CHRNA7: variants seen among roughly 807,000 people sequenced by gnomAD.
CHRNA7 encodes cholinergic receptor nicotinic alpha 7 subunit.
A neutral mutation model predicts 48.0 loss-of-function variants in CHRNA7; 17 were observed. That is an observed-to-expected ratio of 0.35 (90% CI 0.24 to 0.53). The LOEUF (loss-of-function observed/expected upper bound fraction) is 0.53, where lower values mean the gene tolerates loss of function less well. CHRNA7 is among the 20% of genes least tolerant of loss of function. The pLI, the probability that CHRNA7 is intolerant of heterozygous loss-of-function variation, is 0.92. For synonymous variants in CHRNA7, 75 were observed against 242.3 expected, an observed-to-expected ratio of 0.31 and a Z score of 6.41; for missense variants, 155 against 577.7, an observed-to-expected ratio of 0.27 and a Z score of 7.50.
At chr15:32,060,303 A>G (rs1239878843) in intron 2 of CHRNA7, among the ~76,000 whole-genome samples, 1 of 152,222 alleles carries the variant, frequency 6.6e-6, no homozygotes, top group African/African-American at 2.4e-5. Flanking sequence ...CTATATCTAT[A>G]TCATCTATTT....
In CHRNA7 at chr15:32,137,031, CAAAAAAAAAAA is replaced by C. The variant is rs775166263; in HGVS notation, c.351-16871_351-16861del. The stretch of plus-strand genomic sequence containing the variant: ...TGGGCGACAGAGCGAGACTCCGTCT[CAAAAAAAAAAA>C]AAAAGAAAAAAAAAAGAAAACAGGA... On this transcript the variant is annotated intron_variant, in intron 4 of 9. Transcript: ENST00000306901. Among the ~76,000 whole-genome samples, 5 of 63,926 alleles carry C rather than the reference CAAAAAAAAAAA, an allele frequency of 7.8e-5. No individual in the cohort carries two copies. In the Admixed American group the frequency reaches 8.5e-4, roughly 11 times the overall value. 41.9% of individuals were successfully genotyped at this position (63,926 alleles called of 152,430 possible).
chr15:32,112,443 C>G, intron 4 of CHRNA7: 1 of 432,404 alleles, frequency 2.3e-6, no homozygotes, highest in Non-Finnish European at 4.7e-6. Context: ...AATAGTCTTT[C>G]TCCTGAGGTC....
chr15:32,071,874 C>T (rs2050064117), intron 2 of CHRNA7, among the ~76,000 whole-genome samples: 3 of 151,498 alleles, frequency 2.0e-5, no homozygotes, highest in African/African-American at 2.4e-5. Flanking sequence ...TCCTTTATAG[C>T]AGCACAAAAT....
chr15:32,072,724 T>A (rs545512470), intron 2 of CHRNA7, among the ~76,000 whole-genome samples: 1 of 152,296 alleles, frequency 6.6e-6, no homozygotes, highest in Non-Finnish European at 1.5e-5. Context: ...CACAGAGGGC[T>A]CCAGGTACAG....
At chr15:32,034,592 A>G (rs1278671117) in intron 2 of CHRNA7, among the ~76,000 whole-genome samples, 1 of 152,140 alleles carries the variant, frequency 6.6e-6, no homozygotes, top group Non-Finnish European at 1.5e-5. Context: ...GCCCTAGTCT[A>G]GGCATCTCTG....
intron 2 of CHRNA7, among the ~76,000 whole-genome samples, chr15:32,035,049 A>G (rs1396081245): frequency 6.6e-6 from 1 of 152,238 alleles, no homozygotes; most frequent in Non-Finnish European, 1.5e-5. Flanking sequence ...ATGATCTATA[A>G]CTGTGTGTAT....
At chr15:32,103,758 A>C (rs1259361325) in intron 3 of CHRNA7, among the ~76,000 whole-genome samples, 1 of 152,170 alleles carries the variant, frequency 6.6e-6, no homozygotes, top group African/African-American at 2.4e-5. Flanking sequence ...TCCGTGGGTC[A>C]TTCTCACTCT....
intron 2 of CHRNA7, among the ~76,000 whole-genome samples, chr15:32,050,354 C>CT (rs1405466944): frequency 2.6e-5 from 4 of 152,078 alleles, no homozygotes; most frequent in Non-Finnish European, 5.9e-5. Context: ...TCTTTTTATT[C>CT]TTTTTTCTCT....
At chr15:32,085,772 T>C (rs75171924) in intron 2 of CHRNA7, among the ~76,000 whole-genome samples, 8,511 of 152,316 alleles carry the variant, frequency 0.056, 398 homozygotes, top group Non-Finnish European at 0.078. Context: ...AAAACGTTTT[T>C]CTTTTAACTT....
chr15:32,101,277 C>A, intron 2 of CHRNA7, 26 bp from the exon 3 acceptor site: 1 of 1,462,522 alleles, frequency 6.8e-7, no homozygotes, highest in Non-Finnish European at 9.3e-7. Flanking sequence ...ATTATTTATG[C>A]TGCTGCTTTT....
intron 2 of CHRNA7, among the ~76,000 whole-genome samples, chr15:32,046,547 T>A (rs1168304401): frequency 1.3e-4 from 19 of 151,724 alleles, no homozygotes; most frequent in Admixed American, 1.2e-3. Context: ...TTGTTTGAGT[T>A]CATTGTAGAT....
intron 4 of CHRNA7, among the ~76,000 whole-genome samples, chr15:32,125,714 T>C (rs781212445): frequency 3.9e-5 from 6 of 152,180 alleles, no homozygotes; most frequent in Non-Finnish European, 8.8e-5. Context: ...CGAGTGATTG[T>C]TAACAATGGA....
rs57220454 is a variant in CHRNA7 at position 32,114,019 on chromosome 15, AATATAT to A, written c.350+2139_350+2144del. Among the ~76,000 whole-genome samples, 812 of 109,134 alleles carry A rather than the reference AATATAT, an allele frequency of 7.4e-3. 10 individuals carry two copies. Among genetic ancestry groups the A allele is most frequent in the African/African-American group, 0.027 (763 of 27,988 alleles). 71.6% of individuals were successfully genotyped at this position (109,134 alleles called of 152,430 possible). Reference sequence around the variant, plus strand: ...GTGACAGAGTGAGATGCTATCTCCAAATATATATATATATATATATATATGTATATA... The same window carrying A: ...GTGACAGAGTGAGATGCTATCTCCAAATATATATATATATATATGTATATA... On this transcript the variant is annotated intron_variant, in intron 4 of 9. Coordinates refer to ENST00000306901, the MANE Select transcript of CHRNA7 (RefSeq NM_000746.6).
intron 2 of CHRNA7, among the ~76,000 whole-genome samples, chr15:32,088,767 T>G: frequency 6.6e-6 from 1 of 152,184 alleles, no homozygotes; most frequent in Non-Finnish European, 1.5e-5. Context: ...CATTTTTTAG[T>G]TAGGTTGTTT....
chr15:32,140,384 G>A (rs1003293536), intron 4 of CHRNA7, among the ~76,000 whole-genome samples: 4 of 152,116 alleles, frequency 2.6e-5, no homozygotes, highest in African/African-American at 7.2e-5. Context: ...ATAAATATAC[G>A]TGTGCATATG....
rs2051027687 is a variant in CHRNA7, at chr15:32,124,300, T to TTTGTCC, written c.350+12401_350+12402insTTGTCC. On this transcript the variant is annotated intron_variant, in intron 4 of 9. Transcript: ENST00000306901. ...AATACGTAAAAAGGGACAAAATGAATATTTTATATTGATTAAAGGAAAATT... is the reference window on the plus strand; with the variant it reads ...AATACGTAAAAAGGGACAAAATGAATTTGTCCATTTTATATTGATTAAAGGAAAATT... Among the ~76,000 whole-genome samples, 3 of 152,146 alleles carry TTTGTCC rather than the reference T, an allele frequency of 2.0e-5. No individual in the cohort carries two copies. The East Asian group carries it at 5.8e-4, about 29-fold the overall frequency.
chr15:32,121,237 C>A (rs1595470841), intron 4 of CHRNA7, among the ~76,000 whole-genome samples: 1 of 152,180 alleles, frequency 6.6e-6, no homozygotes, highest in Admixed American at 6.5e-5. Flanking sequence ...TGCTGTCAGT[C>A]GGCCGGGTGG....
chr15:32,146,814 G>C (rs1346296832), intron 4 of CHRNA7, among the ~76,000 whole-genome samples: 3 of 152,166 alleles, frequency 2.0e-5, no homozygotes, highest in Non-Finnish European at 4.4e-5. Context: ...AGTCTTAACA[G>C]GGACTTCATG....
At chr15:32,150,857 C>T (rs1162918706) in intron 4 of CHRNA7, among the ~76,000 whole-genome samples, 1 of 152,084 alleles carries the variant, frequency 6.6e-6, no homozygotes, top group Non-Finnish European at 1.5e-5. Flanking sequence ...GACTCATTAA[C>T]AGTCAGATAC....
Sources: allele counts gnomAD v4.1 joint callset (sites outside exome capture counted in the v4.1 genomes callset), GRCh38; gene constraint gnomAD v4.1.1; transcripts MANE v1.5; gene names NCBI Gene and HGNC (gene_info 2026-07-23, HGNC 2026-07-21).